CACNA1C: variants seen among roughly 807,000 people sequenced by gnomAD.
CACNA1C encodes calcium voltage-gated channel subunit alpha1 C.
Under a neutral mutation model 229.0 loss-of-function variants are expected in CACNA1C, and 30 were observed. That is an observed-to-expected ratio of 0.13 (90% CI 0.10 to 0.18). The LOEUF is 0.18. Ranked by LOEUF, CACNA1C falls within the 10% of genes least tolerant of loss-of-function variation. The pLI, the probability that CACNA1C is intolerant of heterozygous loss-of-function variation, is 1.00. For missense variants in CACNA1C, 1,658 were observed against 2,845.0 expected (o/e 0.58, Z 9.49); for synonymous variants, 1,114 against 1,132.5 (o/e 0.98, Z 0.33).
chr12:2,389,056 A>G (rs138507094), intron 3 of CACNA1C, among the ~76,000 whole-genome samples: 1 of 152,294 alleles, frequency 6.6e-6, no homozygotes, highest in East Asian at 1.9e-4. Context: ...ATCACATTTA[A>G]TCAATGACCA....
chr12:2,565,225 T>A, intron 11 of CACNA1C, among the ~76,000 whole-genome samples: 1 of 151,642 alleles, frequency 6.6e-6, no homozygotes. Flanking sequence ...TCCCAGCACT[T>A]TGGGAGGCCG....
intron 3 of CACNA1C, among the ~76,000 whole-genome samples, chr12:2,123,400 TTAAGTCTGAATC>T (rs2088002502): frequency 7.9e-6 from 1 of 126,508 alleles, no homozygotes; most frequent in Non-Finnish European, 1.7e-5. Flanking sequence ...AAAAAAAAGG[TTAAGTCTGAATC>T]TTAGTCTGAG....
chr12:2,431,670 T>G (rs1357863682), intron 3 of CACNA1C, among the ~76,000 whole-genome samples: 1 of 152,106 alleles, frequency 6.6e-6, no homozygotes, highest in African/African-American at 2.4e-5. Flanking sequence ...CATAAAACAT[T>G]AAACACAGGA....
At chr12:2,594,479 C>A (rs2067078608) in intron 19 of CACNA1C, among the ~76,000 whole-genome samples, 1 of 152,152 alleles carries the variant, frequency 6.6e-6, no homozygotes, top group Non-Finnish European at 1.5e-5. Flanking sequence ...ACTGTTTAAA[C>A]CAATTTTTTA....
At chr12:2,342,781 C>T (rs1197340218) in intron 3 of CACNA1C, among the ~76,000 whole-genome samples, 1 of 152,180 alleles carries the variant, frequency 6.6e-6, no homozygotes, top group African/African-American at 2.4e-5. Context: ...GTTCTTTGCC[C>T]TTAACGTTAA....
At chr12:2,517,470 G>T (rs999958035) in intron 9 of CACNA1C, among the ~76,000 whole-genome samples, 8 of 152,228 alleles carry the variant, frequency 5.3e-5, no homozygotes, top group Non-Finnish European at 1.0e-4. Flanking sequence ...GGAAAAAAGA[G>T]GACGTGATAC....
intron 18 of CACNA1C, among the ~76,000 whole-genome samples, chr12:2,587,509 C>T (rs1426763012): frequency 2.0e-5 from 3 of 152,170 alleles, no homozygotes; most frequent in African/African-American, 7.2e-5. Context: ...ACACCTCTTG[C>T]ATCTTCAACA....
intron 3 of CACNA1C, among the ~76,000 whole-genome samples, chr12:2,128,661 T>C (rs963495579): frequency 6.6e-6 from 1 of 152,132 alleles, no homozygotes; most frequent in African/African-American, 2.4e-5. Flanking sequence ...TCTGCCCGCC[T>C]CGGCCTCCCA....
At chr12:1,999,442 T>C (rs911555818) in intron 1 of CACNA1C, among the ~76,000 whole-genome samples, 1 of 152,228 alleles carries the variant, frequency 6.6e-6, no homozygotes, top group South Asian at 2.1e-4. Context: ...CCAGGCACAG[T>C]GGCTCATGTC....
In CACNA1C at chr12:2,655,194, C is replaced by T. The variant is rs2153668929; in HGVS notation, c.4188C>T (p.Asn1396=). ...ALNDTTEINR[N]NNFQTFPQAV... Reference sequence around the variant, plus strand: ...ATGATACCACAGAGATCAACCGGAACAACAACTTTCAGACCTTCCCCCAGG... The same window carrying T: ...ATGATACCACAGAGATCAACCGGAATAACAACTTTCAGACCTTCCCCCAGG... Residue 1396 remains asparagine (N), a synonymous_variant, in exon 34 of 47, where the codon AAC becomes AAT. Transcript: ENST00000399655. 3 of 1,613,824 alleles carry T rather than the reference C, an allele frequency of 1.9e-6. No homozygotes were observed. The highest frequency in any genetic ancestry group is 2.5e-6 in the Non-Finnish European group (3 of 1,179,748).
At chr12:2,202,698 G>A (rs946487402) in intron 3 of CACNA1C, among the ~76,000 whole-genome samples, 1 of 152,144 alleles carries the variant, frequency 6.6e-6, no homozygotes, top group Admixed American at 6.5e-5. Flanking sequence ...CTTGCTTCAC[G>A]TGGGAAGGAG....
chr12:2,254,963 C>G (rs936424469), intron 3 of CACNA1C, among the ~76,000 whole-genome samples: 1 of 152,162 alleles, frequency 6.6e-6, no homozygotes, highest in Non-Finnish European at 1.5e-5. Flanking sequence ...TTAGTATTTC[C>G]TTTCTGAAGA....
intron 6 of CACNA1C, among the ~76,000 whole-genome samples, chr12:2,492,577 G>A (rs16929471): frequency 0.14 from 21,962 of 152,252 alleles, 1,682 homozygotes; most frequent in Middle Eastern, 0.22. Context: ...GTCAGAGTCC[G>A]TTTTCCGTCT....
chr12:2,312,186 T>C (rs1174195351), intron 3 of CACNA1C, among the ~76,000 whole-genome samples: 4 of 152,170 alleles, frequency 2.6e-5, no homozygotes, highest in Non-Finnish European at 4.4e-5. Flanking sequence ...GGTGACTCTT[T>C]TGGCAGGGAG....
At chr12:2,333,634 C>T (rs1045926768) in intron 3 of CACNA1C, among the ~76,000 whole-genome samples, 11 of 152,260 alleles carry the variant, frequency 7.2e-5, no homozygotes, top group African/African-American at 1.9e-4. Flanking sequence ...TCTCCGTCAC[C>T]TCACAAGGCG....
At chr12:2,411,310 C>T (rs2098804886) in intron 3 of CACNA1C, among the ~76,000 whole-genome samples, 1 of 152,126 alleles carries the variant, frequency 6.6e-6, no homozygotes, top group Non-Finnish European at 1.5e-5. Flanking sequence ...AGTACTCAGT[C>T]ACGGGCAGAG....
chr12:2,606,876 A>G (rs1248061133), intron 25 of CACNA1C, 108 bp from the exon 26 acceptor site: 3 of 1,300,738 alleles, frequency 2.3e-6, no homozygotes, highest in East Asian at 4.7e-5. Flanking sequence ...AGAACGGTGA[A>G]GTTCAAGCCA....
rs2063060112 is a variant in CACNA1C at position 2,226,511 on chromosome 12, T to A, written c.477+106081T>A. Among the ~76,000 whole-genome samples the A allele has an allele frequency of 2.6e-5, 4 of 152,348 alleles. No individual in the cohort carries two copies. In the South Asian group the frequency reaches 8.3e-4, roughly 32 times the overall value. On this transcript the variant is annotated intron_variant, in intron 3 of 46. Transcript: ENST00000399655. Reference sequence around the variant, plus strand: ...ATTTAAATACCACCTATCACAAATTTTGCATACAAAGATTTCAAGCCCCAT... The same window carrying A: ...ATTTAAATACCACCTATCACAAATTATGCATACAAAGATTTCAAGCCCCAT...
chr12:2,247,538 G>T (rs375689447), intron 3 of CACNA1C, among the ~76,000 whole-genome samples: 1 of 152,142 alleles, frequency 6.6e-6, no homozygotes, highest in African/African-American at 2.4e-5. Flanking sequence ...GACTTCATCC[G>T]CCTGGTGGGC....
Sources: gnomAD v4.1 joint callset for allele counts (sites outside exome capture counted in the v4.1 genomes callset) on GRCh38, gnomAD v4.1.1 for gene constraint, MANE v1.5 for transcripts, NCBI Gene and HGNC (gene_info 2026-07-23, HGNC 2026-07-21) for gene names.